PDE2A: variants seen among roughly 807,000 people sequenced by gnomAD.
The protein encoded by PDE2A is phosphodiesterase 2A.
In PDE2A, 53 loss-of-function variants were observed where a neutral mutation model predicts 133.6. The ratio of observed to expected loss-of-function variants is 0.40; its 90% CI spans 0.32 to 0.50. The LOEUF (loss-of-function observed/expected upper bound fraction) is 0.50, where lower values mean the gene tolerates loss of function less well. Ranked by LOEUF, PDE2A falls within the 20% of genes least tolerant of loss-of-function variation. PDE2A has a pLI of 0.73. For missense variants in PDE2A, 796 were observed against 1,232.4 expected, an observed-to-expected ratio of 0.65 and a Z score of 5.30; for synonymous variants, 491 against 490.2, an observed-to-expected ratio of 1.00 and a Z score of -0.02.
At position 72,593,203 on chromosome 11, in the gene PDE2A, T is replaced by A. The variant is rs116173293; in HGVS notation, c.490-1847A>T. On this transcript the variant is annotated intron_variant, in intron 6 of 30. Coordinates refer to ENST00000334456, the MANE Select transcript of PDE2A (RefSeq NM_002599.5). ...GGTACACACACACACACACACACGG[T>A]GCAGTCACAGACACAAAGACATCCA... is the stretch of plus-strand genomic sequence containing the variant. Among the ~76,000 whole-genome samples, 774 of 114,336 alleles carry A rather than the reference T, an allele frequency of 6.8e-3. 5 individuals are homozygous for A. The highest frequency in any genetic ancestry group is 0.027 in the African/African-American group (739 of 27,098). 75.0% of individuals were successfully genotyped at this position (114,336 alleles called of 152,430 possible). A position where few individuals can be genotyped will look rare whatever the true frequency, so the allele number is the denominator to read the frequency against.
intron 2 of PDE2A, among the ~76,000 whole-genome samples, chr11:72,628,779 C>T (rs191175794): frequency 4.5e-4 from 68 of 152,326 alleles, no homozygotes; most frequent in African/African-American, 1.6e-3. Context: ...CTATATGAGG[C>T]CATCTTGGCT....
Position 72,589,932 on chromosome 11 carries a change from T to A in PDE2A, c.806A>T (p.Glu269Val). ...CTTGCAAGAAAGCTGGAGATTGTCCTCCGACACCAGCAGGAGGCAGCAGCG... is the reference window on the plus strand; with the variant it reads ...CTTGCAAGAAAGCTGGAGATTGTCCACCGACACCAGCAGGAGGCAGCAGCG... The part of the protein sequence containing the change: ...ASRCCLLLVS[E>V]DNLQLSCKVI... The change falls in exon 10 of 31, where the codon GAG becomes GTG. Residue 269 changes from glutamate (E) to valine (V), a missense_variant. Physicochemically the swap from Glu to Val is moderately radical, Grantham distance 121. Transcript: ENST00000334456. 1 of 1,613,270 alleles carries A rather than the reference T, an allele frequency of 6.2e-7. No individual in the cohort carries two copies. Among genetic ancestry groups the A allele is most frequent in the South Asian group, 1.1e-5 (1 of 90,910 alleles).
At chr11:72,614,921 C>G in intron 2 of PDE2A, 1 of 331,512 alleles carries the variant, frequency 3.0e-6, no homozygotes, top group Non-Finnish European at 7.1e-6. Flanking sequence ...CGCAGGAGCC[C>G]AGTCTTAAAG....
rs1402866341 is a variant in PDE2A, at chr11:72,605,044, G to A, written c.323+94C>T. 4 of 722,114 alleles carry A rather than the reference G, an allele frequency of 5.5e-6. No individual in the cohort carries two copies. The African/African-American group carries it at 7.0e-5, about 13-fold the overall frequency. The allele number at this position is 722,114 out of a possible 1,614,324, so 44.7% of individuals were successfully genotyped here. On this transcript the variant is annotated intron_variant, in intron 4 of 30. Coordinates refer to ENST00000334456, the MANE Select transcript of PDE2A (RefSeq NM_002599.5). The stretch of plus-strand genomic sequence containing the variant: ...AGGGAGGCGGGGATCAATGTTGGAA[G>A]GGGAGGGTCAGACCAGATGACCTTG...
At chr11:72,620,394 G>A (rs1294480167) in intron 2 of PDE2A, among the ~76,000 whole-genome samples, 1 of 152,148 alleles carries the variant, frequency 6.6e-6, no homozygotes, top group East Asian at 1.9e-4. Context: ...GCCAACTGGG[G>A]CCTCTGAGAC....
intron 1 of PDE2A, among the ~76,000 whole-genome samples, chr11:72,667,869 TA>T (rs10636062): frequency 0.056 from 7,463 of 133,182 alleles, 617 homozygotes; most frequent in African/African-American, 0.19. Context: ...CTGTCTCTAT[TA>T]AAAAAAAAAA....
chr11:72,624,104 G>A (rs1161971471), intron 2 of PDE2A, among the ~76,000 whole-genome samples: 3 of 150,984 alleles, frequency 2.0e-5, no homozygotes, highest in Non-Finnish European at 2.9e-5. Context: ...TGATTCTCCT[G>A]TCTCAACCTC....
intron 2 of PDE2A, chr11:72,631,234 T>A: frequency 1.1e-6 from 1 of 942,126 alleles, no homozygotes; most frequent in Non-Finnish European, 1.6e-6. Flanking sequence ...AGCCCACGGA[T>A]GGCCCCCTCC....
intron 23 of PDE2A, 105 bp downstream of exon 23, chr11:72,581,252 C>T: frequency 1.7e-6 from 2 of 1,178,310 alleles, no homozygotes; most frequent in East Asian, 2.4e-5. Flanking sequence ...TAAGAAGATC[C>T]CATGAGGCAG....
At position 72,602,761 on chromosome 11, in the gene PDE2A, C is replaced by A. The variant is rs531033147; in HGVS notation, c.323+2377G>T. Among the ~76,000 whole-genome samples, 3 of 152,316 alleles carry A rather than the reference C, an allele frequency of 2.0e-5. No individual in the cohort carries two copies. The South Asian group carries it at 6.2e-4, about 32-fold the overall frequency. On this transcript the variant is annotated intron_variant, in intron 4 of 30. Transcript: ENST00000334456. ...TACCCCATTAAGCCAATAGACCGGG[C>A]CTCAGGTAGGAAAGCAGAGAGACAG... is the stretch of plus-strand genomic sequence containing the variant.
Position 72,578,957 on chromosome 11 carries a change from G to A in PDE2A, c.2409C>T (p.Leu803=), listed in dbSNP as rs1299630415. Residue 803 remains leucine, a synonymous_variant, in exon 28 of 31, where the codon CTC becomes CTT. Coordinates refer to ENST00000334456, the MANE Select transcript of PDE2A (RefSeq NM_002599.5). The surrounding 1 kb of genome is among the most constrained non-coding windows in gnomAD (Gnocchi z 4.2). ...KQHHRLLLCL[L]MTSCDLSDQT... ...GGTCAGAGAGGTCACAGGAGGTCAT[G>A]AGGAGGCAGAGGAGAAGTCTGTGGT... The A allele has an allele frequency of 6.2e-7, 1 of 1,614,026 alleles. No homozygotes were observed. The highest frequency in any genetic ancestry group is 1.7e-5 in the Admixed American group (1 of 60,030).
chr11:72,617,120 C>T (rs1299255826), intron 2 of PDE2A, among the ~76,000 whole-genome samples: 1 of 152,234 alleles, frequency 6.6e-6, no homozygotes, highest in Non-Finnish European at 1.5e-5. Flanking sequence ...CCTGCCTTGG[C>T]CAGGGGATGG....
rs906853692 is a variant in PDE2A at position 72,674,325 on chromosome 11, C to T, written c.-118G>A. 11 of 985,538 alleles carry T rather than the reference C, an allele frequency of 1.1e-5. No individual in the cohort carries two copies. In the African/African-American group the frequency reaches 1.3e-4, roughly 12 times the overall value. The allele number at this position is 985,538 out of a possible 1,614,324, so 61.0% of individuals were successfully genotyped here. A position where few individuals can be genotyped will look rare whatever the true frequency, so the allele number is the denominator to read the frequency against. The stretch of plus-strand genomic sequence containing the variant: ...CACAGGGACCAAGAGCAGTGGGCTG[C>T]CCCCTACTCAGCCTGGACTCAACAC... On this transcript the variant is annotated 5_prime_UTR_variant, in exon 1 of 31. Coordinates refer to ENST00000334456, the MANE Select transcript of PDE2A (RefSeq NM_002599.5).
chr11:72,660,745 G>C (rs1338188738), intron 1 of PDE2A, among the ~76,000 whole-genome samples: 4 of 152,096 alleles, frequency 2.6e-5, no homozygotes, highest in African/African-American at 9.7e-5. Flanking sequence ...GCACGGGTTA[G>C]GACGCCAGGC....
At chr11:72,601,068 G>C (rs1372375204) in intron 4 of PDE2A, among the ~76,000 whole-genome samples, 2 of 143,418 alleles carry the variant, frequency 1.4e-5, no homozygotes, top group African/African-American at 2.6e-5. Context: ...TAGGTCCCAG[G>C]CATCAGTAAG....
chr11:72,579,082 C>A, intron 27 of PDE2A, 73 bp from the exon 28 acceptor site: 5 of 1,205,704 alleles, frequency 4.1e-6, no homozygotes, highest in Middle Eastern at 1.9e-4. Flanking sequence ...GCTCCCAGGG[C>A]CCAACCCAGA....
intron 2 of PDE2A, among the ~76,000 whole-genome samples, chr11:72,610,078 G>C (rs919942623): frequency 6.6e-6 from 1 of 152,078 alleles, no homozygotes; most frequent in African/African-American, 2.4e-5. Flanking sequence ...CCTATGAAAC[G>C]AGGGAATTGG....
At chr11:72,616,313 C>T (rs1238694676) in intron 2 of PDE2A, among the ~76,000 whole-genome samples, 1 of 152,208 alleles carries the variant, frequency 6.6e-6, no homozygotes, top group Non-Finnish European at 1.5e-5. Flanking sequence ...CCTGGGGCTC[C>T]CACTGCCCCC....
chr11:72,634,907 G>A (rs186892393), intron 2 of PDE2A, among the ~76,000 whole-genome samples: 49 of 152,316 alleles, frequency 3.2e-4, no homozygotes, highest in African/African-American at 1.2e-3. Context: ...CTTTGGACGC[G>A]GGGCCCTCGA....
Sources: gnomAD v4.1 joint callset for allele counts (sites outside exome capture counted in the v4.1 genomes callset) on GRCh38, gnomAD v4.1.1 for gene constraint, Gnocchi (gnomAD v3.1) non-coding constraint, MANE v1.5 for transcripts, NCBI Gene and HGNC (gene_info 2026-07-23, HGNC 2026-07-21) for gene names.